Variants in RBM44 observed in about 807,000 individuals in gnomAD.
RBM44 encodes RNA binding motif protein 44, also known as RNA-binding protein 44.
Under a neutral mutation model 105.1 loss-of-function variants are expected in RBM44, and 66 were observed. That is an observed-to-expected ratio of 0.63 (90% CI 0.52 to 0.77). The LOEUF (loss-of-function observed/expected upper bound fraction) is 0.77, where lower values mean the gene tolerates loss of function less well. Ranked by LOEUF, RBM44 falls within the 30% of genes least tolerant of loss-of-function variation. The pLI is 0.00. For synonymous variants in RBM44, 365 were observed against 417.6 expected (o/e 0.87, Z 1.54); for missense variants, 1,122 against 1,207.8 (o/e 0.93, Z 1.05).
rs1243154174 is a variant in RBM44, at chr2:237,818,358, C to A, written c.1439C>A (p.Thr480Asn). The A allele has an allele frequency of 1.2e-6, 2 of 1,613,086 alleles. No individual in the cohort carries two copies. The highest frequency in any genetic ancestry group is 1.7e-6 in the Non-Finnish European group (2 of 1,179,516). ...VSTDFRACFT[T>N]SRATSARPSV... ...ACTGATTTTAGGGCTTGTTTCACAA[C>A]CAGCAGGGCAACAAGTGCAAGACCT... Residue 480 changes from threonine to asparagine, a missense_variant, in exon 3 of 16, where the codon ACC (threonine) becomes AAC (asparagine). Around this residue, in one of 3 missense-constraint regions of RBM44, gnomAD observed 918 missense variants for 955.3 expected, o/e 0.96. Transcript: ENST00000316997. This position sits in a 1 kb window ranked among gnomAD's most constrained non-coding sequence, Gnocchi z 4.6.
At chr2:237,819,693 T>G (rs2061762354) in intron 4 of RBM44, among the ~76,000 whole-genome samples, 1 of 152,052 alleles carries the variant, frequency 6.6e-6, no homozygotes, top group African/African-American at 2.4e-5. Flanking sequence ...AAATATTTGC[T>G]TATATTAATG....
intron 14 of RBM44, 43 bp downstream of exon 14, chr2:237,834,185 G>A (rs375729558): frequency 2.0e-6 from 3 of 1,529,128 alleles, no homozygotes; most frequent in African/African-American, 2.8e-5. Flanking sequence ...AAACTTCTGT[G>A]TAAAAATATA....
intron 13 of RBM44, 147 bp downstream of exon 13, chr2:237,829,649 A>G (rs1243196474): frequency 4.1e-6 from 3 of 727,126 alleles, no homozygotes; most frequent in Admixed American, 3.0e-5. Context: ...ATCCACCTCA[A>G]CCTGCTTTTG....
At chr2:237,804,011 A>G (rs2061573678) in intron 1 of RBM44, among the ~76,000 whole-genome samples, 1 of 152,028 alleles carries the variant, frequency 6.6e-6, no homozygotes, top group Admixed American at 6.6e-5. Flanking sequence ...GTGGGACTAC[A>G]AGCGTGTGCC....
At chr2:237,821,691 T>C in intron 7 of RBM44, 52 bp from the exon 8 acceptor site, 1 of 1,280,420 alleles carries the variant, frequency 7.8e-7, no homozygotes, top group Non-Finnish European at 1.1e-6. Flanking sequence ...TATAGTCACC[T>C]TACTCTGTTA....
In RBM44 at chr2:237,818,954, TGA is replaced by T; in HGVS notation, c.1735_1736del (p.Arg579GlyfsTer6). ...CGITDLKKHP[E>X]REFQLFKDTE... ...GTATCACAGACCTAAAGAAACATCCTGAGAGGTACATCATTTATATATGCTTA... is the reference window on the plus strand; with the variant it reads ...GTATCACAGACCTAAAGAAACATCCTGAGGTACATCATTTATATATGCTTA... On this transcript the variant is annotated frameshift_variant, in exon 4 of 16. Transcript: ENST00000316997. LOFTEE classifies it high-confidence loss of function. This position sits in a 1 kb window ranked among gnomAD's most constrained non-coding sequence, Gnocchi z 4.6. The T allele has an allele frequency of 6.9e-7, 1 of 1,454,790 alleles. No individual in the cohort carries two copies. The highest frequency in any genetic ancestry group is 9.4e-7 in the Non-Finnish European group (1 of 1,067,120). The allele number at this position is 1,454,790 out of a possible 1,614,324, so 90.1% of individuals were successfully genotyped here.
chr2:237,817,715 A>G lies in RBM44; in HGVS notation c.796A>G (p.Asn266Asp). 1 of 1,612,590 alleles carries G rather than the reference A, an allele frequency of 6.2e-7. No homozygotes were observed. The highest frequency in any genetic ancestry group is 8.5e-7 in the Non-Finnish European group (1 of 1,179,264). The change falls in exon 3 of 16, where the codon AAT (asparagine) becomes GAT (aspartate). Residue 266 changes from asparagine to aspartate, a missense_variant. Coordinates refer to ENST00000316997, the MANE Select transcript of RBM44 (RefSeq NM_001080504.3). ...EESLHVSKFQ[N>D]SVMLREYHDL... ...GTCACTTCATGTCTCCAAATTTCAG[A>G]ATTCTGTTATGTTAAGAGAATATCA...
At chr2:237,820,143 A>C (rs999404442) in intron 4 of RBM44, 32 bp from the exon 5 acceptor site, 6 of 1,296,994 alleles carry the variant, frequency 4.6e-6, no homozygotes, top group Non-Finnish European at 6.2e-6. Context: ...AATGTTTGGA[A>C]TCTTACCTGA....
At chr2:237,840,187 CAAAA>C (rs34666443) in intron 15 of RBM44, among the ~76,000 whole-genome samples, 10 of 64,904 alleles carry the variant, frequency 1.5e-4, no homozygotes, top group African/African-American at 6.2e-4. Flanking sequence ...GACTCTATCT[CAAAA>C]AAAAAAAAAA....
intron 10 of RBM44, among the ~76,000 whole-genome samples, chr2:237,826,439 A>G (rs1035229958): frequency 9.9e-5 from 15 of 152,138 alleles, no homozygotes; most frequent in African/African-American, 2.9e-4. Context: ...TGTAATTTGG[A>G]AAATCATGCT....
chr2:237,805,857 C>G (rs2061594216), intron 1 of RBM44, among the ~76,000 whole-genome samples: 1 of 151,836 alleles, frequency 6.6e-6, no homozygotes. Context: ...CCCAGCTACT[C>G]AAGGGGGTAG....
At chr2:237,805,545 C>T (rs926026390) in intron 1 of RBM44, among the ~76,000 whole-genome samples, 1 of 152,192 alleles carries the variant, frequency 6.6e-6, no homozygotes, top group Non-Finnish European at 1.5e-5. Flanking sequence ...GGGAGAAGGA[C>T]TCCCTTATTC....
At chr2:237,822,143 T>G (rs1294081945) in intron 8 of RBM44, among the ~76,000 whole-genome samples, 1 of 151,986 alleles carries the variant, frequency 6.6e-6, no homozygotes, top group Non-Finnish European at 1.5e-5. Flanking sequence ...CAAACAATAA[T>G]TTAGTGCCAT....
rs772466462 is a variant in RBM44 at position 237,817,493 on chromosome 2, GA to G, written c.576del (p.Glu193AsnfsTer5). ...CTCACAGCAGGAATATCACAGTGCA[GA>G]AGAACAAGAATACATAAGTAACCAT... ...EDSQQEYHSA[E>X]EQEYISNHLS... On this transcript the variant is annotated frameshift_variant, in exon 3 of 16. Coordinates refer to ENST00000316997, the MANE Select transcript of RBM44 (RefSeq NM_001080504.3). LOFTEE classifies it high-confidence loss of function. 333 of 1,604,976 alleles carry G rather than the reference GA, an allele frequency of 2.1e-4. No individual in the cohort carries two copies. The highest frequency in any genetic ancestry group is 2.7e-4 in the Non-Finnish European group (321 of 1,175,036).
Position 237,818,799 on chromosome 2 carries a change from C to A in RBM44, c.1678-102C>A. 1 of 699,056 alleles carries A rather than the reference C, an allele frequency of 1.4e-6. No individual in the cohort carries two copies. 43.3% of individuals were successfully genotyped at this position (699,056 alleles called of 1,614,324 possible). ...CACCAGTTCTATCCTCCTCTCCTGG[C>A]AGCTCCTCCCACAAAATCCATTAGA... On this transcript the variant is annotated intron_variant, in intron 3 of 15. Transcript: ENST00000316997. The surrounding 1 kb of genome is among the most constrained non-coding windows in gnomAD (Gnocchi z 4.6).
chr2:237,808,852 C>A (rs2061626340), intron 1 of RBM44, among the ~76,000 whole-genome samples: 2 of 152,264 alleles, frequency 1.3e-5, no homozygotes, highest in African/African-American at 4.8e-5. Flanking sequence ...CTTTTTGATG[C>A]AATCCCCTTG....
At chr2:237,807,285 A>T (rs1426825110) in intron 1 of RBM44, among the ~76,000 whole-genome samples, 3 of 152,114 alleles carry the variant, frequency 2.0e-5, no homozygotes, top group Admixed American at 2.0e-4. Context: ...AGTAGCTGAG[A>T]TTACAGGCAC....
intron 12 of RBM44, among the ~76,000 whole-genome samples, chr2:237,827,973 A>G (rs932898970): frequency 6.6e-6 from 1 of 152,198 alleles, no homozygotes; most frequent in Non-Finnish European, 1.5e-5. Flanking sequence ...TGTTAGAAGT[A>G]AAATATGTGA....
In RBM44 at chr2:237,813,748, A is replaced by G. The variant is rs367641548; in HGVS notation, c.73+66A>G. 7.5e-6 allele frequency: 8 copies of G among 1,067,494 alleles called. No homozygotes were observed. In the African/African-American group the frequency reaches 1.1e-4, roughly 15 times the overall value. The allele number at this position is 1,067,494 out of a possible 1,614,324, so 66.1% of individuals were successfully genotyped here. On this transcript the variant is annotated intron_variant, in intron 2 of 15. Coordinates refer to ENST00000316997, the MANE Select transcript of RBM44 (RefSeq NM_001080504.3). Reference sequence around the variant, plus strand: ...GGGTGTTAAATGTATTGTGCCAGACAGTTTGCCCTTCAGGTTGCTGCTTTT... The same window carrying G: ...GGGTGTTAAATGTATTGTGCCAGACGGTTTGCCCTTCAGGTTGCTGCTTTT...
Sources: allele counts gnomAD v4.1 joint callset (sites outside exome capture counted in the v4.1 genomes callset), GRCh38; gene constraint gnomAD v4.1.1; regional missense constraint gnomAD v4.1.1; non-coding constraint Gnocchi (gnomAD v3.1); transcripts MANE v1.5; gene names NCBI Gene and HGNC (gene_info 2026-07-23, HGNC 2026-07-21).